TEX264: variants seen among roughly 807,000 people sequenced by gnomAD.
The protein encoded by TEX264 is testis expressed 264, ER-phagy receptor.
In TEX264, 13 loss-of-function variants were observed where a neutral mutation model predicts 23.4. That is an observed-to-expected ratio of 0.56 (90% CI 0.36 to 0.88). The LOEUF (loss-of-function observed/expected upper bound fraction) is 0.88. Ranked by LOEUF, TEX264 falls within the 40% of genes least tolerant of loss-of-function variation. The probability of loss-of-function intolerance (pLI) is 0.01; values close to 1 mark genes in which losing one functional copy is unlikely to be tolerated. For synonymous variants in TEX264, 159 were observed against 170.0 expected (o/e 0.94, Z 0.50); for missense variants, 340 against 406.8 (o/e 0.84, Z 1.41).
rs371669346 is a variant in TEX264 at position 51,674,528 on chromosome 3, G to A, written c.224G>A (p.Arg75His). ...TESCSISPKL[R>H]SIAVYYDNPH... is the part of the protein sequence containing the mutation. ...AGCTGCAGCATCTCTCCCAAGCTCC[G>A]CTCCATCGCTGTCTACTATGACAAC... Residue 75 changes from arginine (R) to histidine (H), a missense_variant, in exon 2 of 5, where the codon CGC becomes CAC. Arg to His is a conservative substitution (Grantham distance 29, BLOSUM62 0). Transcript: ENST00000341333. 6.8e-6 allele frequency: 11 copies of A among 1,614,006 alleles called. No homozygotes were observed. Among genetic ancestry groups the A allele is most frequent in the East Asian group, 4.5e-5 (2 of 44,890 alleles).
At chr3:51,671,505 C>G (rs1370965844) in intron 1 of TEX264, 1 of 154,752 alleles carries the variant, frequency 6.5e-6, no homozygotes, top group African/African-American at 2.4e-5. Flanking sequence ...GGGCAGCCCA[C>G]TTCCGCGGCC....
At chr3:51,682,566 C>T (rs1397448115) in intron 2 of TEX264, 2 of 152,160 alleles carry the variant, frequency 1.3e-5, no homozygotes, top group Non-Finnish European at 2.9e-5. Flanking sequence ...CTACTAATAA[C>T]CACAATTATG....
intron 1 of TEX264, chr3:51,671,849 C>T (rs766989411): frequency 6.6e-6 from 1 of 152,346 alleles, no homozygotes. Flanking sequence ...CCGCCGCGCA[C>T]GTGAGCGGCA....
At chr3:51,676,739 C>G (rs576993626) in intron 2 of TEX264, among the ~76,000 whole-genome samples, 1 of 152,236 alleles carries the variant, frequency 6.6e-6, no homozygotes, top group Non-Finnish European at 1.5e-5. Context: ...ACTTAGCCCT[C>G]AACAGATGCT....
At chr3:51,675,389 C>G (rs1418548766) in intron 2 of TEX264, among the ~76,000 whole-genome samples, 1 of 152,160 alleles carries the variant, frequency 6.6e-6, no homozygotes, top group African/African-American at 2.4e-5. Flanking sequence ...TTTGGAATCC[C>G]CAGCTCTGAT....
intron 3 of TEX264, among the ~76,000 whole-genome samples, chr3:51,692,393 T>A (rs1702860586): frequency 6.6e-6 from 1 of 152,162 alleles, no homozygotes; most frequent in Non-Finnish European, 1.5e-5. Context: ...AGAGGCTAGC[T>A]GTCTAGTTAT....
intron 2 of TEX264, among the ~76,000 whole-genome samples, chr3:51,676,930 C>T (rs1702251706): frequency 6.6e-6 from 1 of 152,208 alleles, no homozygotes; most frequent in South Asian, 2.1e-4. Flanking sequence ...CAGAAGACAC[C>T]TGTGTCCCCA....
At chr3:51,679,940 TG>T (rs1702364023) in intron 2 of TEX264, among the ~76,000 whole-genome samples, 1 of 152,152 alleles carries the variant, frequency 6.6e-6, no homozygotes, top group Admixed American at 6.5e-5. Flanking sequence ...CCAGGGAAGT[TG>T]GGGGTTGGCG....
intron 2 of TEX264, among the ~76,000 whole-genome samples, chr3:51,678,728 C>T (rs187506673): frequency 1.5e-4 from 23 of 152,324 alleles, no homozygotes; most frequent in African/African-American, 5.5e-4. Context: ...GGCATGACCA[C>T]AGCCTCACAG....
rs1364694210 is a variant in TEX264 at position 51,684,415 on chromosome 3, G to A, written c.261G>A (p.Val87=). 1.9e-6 allele frequency: 3 copies of A among 1,613,652 alleles called. No homozygotes were observed. Among genetic ancestry groups the A allele is most frequent in the South Asian group, 1.1e-5 (1 of 91,066 alleles). The change falls in exon 3 of 5, where the codon GTG becomes GTA. Residue 87 remains valine (V), a splice_region_variant and synonymous_variant. Coordinates refer to ENST00000341333, the MANE Select transcript of TEX264 (RefSeq NM_015926.6). ...IAVYYDNPHM[V]PPDKCRCAVG... is the part of the protein sequence containing the mutation. ...ACACCCATGCTTTGCTTCCCCAGGT[G>A]CCCCCTGATAAGTGCCGATGTGCCG...
chr3:51,674,724 G>A (rs982449493), intron 2 of TEX264, among the ~76,000 whole-genome samples, 162 bp downstream of exon 2: 1 of 152,204 alleles, frequency 6.6e-6, no homozygotes, highest in African/African-American at 2.4e-5. Context: ...GATTTAGCCT[G>A]GACTTCTGCT....
At chr3:51,680,227 C>G (rs998413663) in intron 2 of TEX264, among the ~76,000 whole-genome samples, 3 of 152,314 alleles carry the variant, frequency 2.0e-5, no homozygotes, top group Admixed American at 6.5e-5. Context: ...ACCCTGAACC[C>G]AATGACTACA....
rs375977287 is a variant in TEX264 at position 51,703,850 on chromosome 3, G to C, written c.776G>C (p.Ser259Thr). The change falls in exon 5 of 5, where the codon AGC becomes ACC. Residue 259 changes from serine to threonine, a missense_variant. Coordinates refer to ENST00000341333, the MANE Select transcript of TEX264 (RefSeq NM_015926.6). This position sits in a 1 kb window ranked among gnomAD's most constrained non-coding sequence, Gnocchi z 4.8. The part of the protein sequence containing the change: ...SRGWDDGDTR[S>T]EHSYSESGAS... ...GGCTGGGATGACGGTGACACCCGCAGCGAGCACAGCTACAGCGAGTCAGGT... is the reference window on the plus strand; with the variant it reads ...GGCTGGGATGACGGTGACACCCGCACCGAGCACAGCTACAGCGAGTCAGGT... The C allele has an allele frequency of 5.8e-5, 93 of 1,612,932 alleles. No individual in the cohort carries two copies. The highest frequency in any genetic ancestry group is 7.5e-5 in the Non-Finnish European group (89 of 1,179,392).
chr3:51,703,676 G>A lies in TEX264; in HGVS notation c.650-48G>A, dbSNP rs1002824988. On this transcript the variant is annotated intron_variant, in intron 4 of 4. Transcript: ENST00000341333. The surrounding 1 kb of genome is among the most constrained non-coding windows in gnomAD (Gnocchi z 4.8). ...GCTGAGTTGCCTCTCCCTGGAGGAG[G>A]GGGTGGGGTGGTCCTAGCTAACCTG... 9 of 1,528,322 alleles carry A rather than the reference G, an allele frequency of 5.9e-6. No homozygotes were observed. Among genetic ancestry groups the A allele is most frequent in the East Asian group, 2.3e-5 (1 of 43,862 alleles). The allele number at this position is 1,528,322 out of a possible 1,614,324, so 94.7% of individuals were successfully genotyped here. A position where few individuals can be genotyped will look rare whatever the true frequency, so the allele number is the denominator to read the frequency against.
In TEX264 at chr3:51,703,978, C is replaced by T. The variant is rs767638608; in HGVS notation, c.904C>T (p.Leu302Phe). Residue 302 changes from leucine to phenylalanine, a missense_variant, in exon 5 of 5, where the codon CTC becomes TTC. Coordinates refer to ENST00000341333, the MANE Select transcript of TEX264 (RefSeq NM_015926.6). This position sits in a 1 kb window ranked among gnomAD's most constrained non-coding sequence, Gnocchi z 4.8. ...GTEPLGTTKW[L>F]WEPTAPEKGK... ...TGAGCCCCTGGGGACTACCAAGTGG[C>T]TCTGGGAGCCCACTGCCCCTGAGAA... 5.8e-6 allele frequency: 9 copies of T among 1,555,140 alleles called. No homozygotes were observed. The Admixed American group carries it at 7.4e-5, about 13-fold the overall frequency.
chr3:51,698,413 A>G (rs896190415), intron 3 of TEX264, among the ~76,000 whole-genome samples: 1 of 152,194 alleles, frequency 6.6e-6, no homozygotes, highest in Non-Finnish European at 1.5e-5. Flanking sequence ...GTGACAGGGC[A>G]GGGGCCTTGC....
intron 3 of TEX264, among the ~76,000 whole-genome samples, chr3:51,692,493 C>T (rs1702864143): frequency 6.6e-6 from 1 of 152,202 alleles, no homozygotes; most frequent in South Asian, 2.1e-4. Flanking sequence ...TTCTCCTTCT[C>T]TCCCTCTCTT....
intron 2 of TEX264, among the ~76,000 whole-genome samples, chr3:51,676,614 A>G (rs1702239145): frequency 6.6e-6 from 1 of 152,224 alleles, no homozygotes; most frequent in Non-Finnish European, 1.5e-5. Context: ...GATCTTAGGC[A>G]TATCCCATAA....
chr3:51,683,031 A>C (rs777075728), intron 2 of TEX264: 1 of 153,026 alleles, frequency 6.5e-6, no homozygotes, highest in Non-Finnish European at 1.5e-5. Flanking sequence ...AGAGGTGAGA[A>C]CAGGTAATAA....
Sources: allele counts gnomAD v4.1 joint callset (sites outside exome capture counted in the v4.1 genomes callset), GRCh38; gene constraint gnomAD v4.1.1; non-coding constraint Gnocchi (gnomAD v3.1); transcripts MANE v1.5; gene names NCBI Gene and HGNC (gene_info 2026-07-23, HGNC 2026-07-21).